Variants in NASP observed in about 807,000 individuals in gnomAD.
NASP encodes the protein nuclear autoantigenic sperm protein.
Under a neutral mutation model 89.5 loss-of-function variants are expected in NASP, and 24 were observed. That is an observed-to-expected ratio of 0.27 (90% CI 0.19 to 0.38). NASP has a LOEUF of 0.38. Ranked by LOEUF, NASP falls within the 10% of genes least tolerant of loss-of-function variation. The pLI, the probability that NASP is intolerant of heterozygous loss-of-function variation, is 1.00. For synonymous variants in NASP, 306 were observed against 324.7 expected (o/e 0.94, Z 0.62); for missense variants, 848 against 921.4 (o/e 0.92, Z 1.03).
chr1:45,613,403 C>T (rs755078911), intron 7 of NASP, among the ~76,000 whole-genome samples, 155 bp downstream of exon 7: 1 of 152,160 alleles, frequency 6.6e-6, no homozygotes, highest in Non-Finnish European at 1.5e-5. Flanking sequence ...CTCACCTCAG[C>T]CTCTCAAGTA....
rs1158905415 is a variant in NASP at position 45,617,584 on chromosome 1, A to T, written c.2279A>T (p.Glu760Val). 6.3e-7 allele frequency: 1 copy of T among 1,590,834 alleles called. No individual in the cohort carries two copies. The highest frequency in any genetic ancestry group is 8.5e-7 in the Non-Finnish European group (1 of 1,171,096). ...PSGNEVSENM[E>V]EEAENQAESR... Reference sequence around the variant, plus strand: ...GGAAATGAAGTTTCGGAAAACATGGAGGAGGAGGTGGGCAGTTAAGCAGGG... The same window carrying T: ...GGAAATGAAGTTTCGGAAAACATGGTGGAGGAGGTGGGCAGTTAAGCAGGG... Residue 760 changes from glutamate to valine, a missense_variant, in exon 14 of 15, where the codon GAG (glutamate) becomes GTG (valine). By Grantham distance (121) the Glu-to-Val change is moderately radical. This residue lies in a region of NASP where 218 missense variants were observed against 219.6 expected (regional missense o/e 0.99). Coordinates refer to ENST00000350030, the MANE Select transcript of NASP (RefSeq NM_002482.4).
At chr1:45,589,180 T>C (rs895849612) in intron 1 of NASP, among the ~76,000 whole-genome samples, 2 of 152,146 alleles carry the variant, frequency 1.3e-5, no homozygotes, top group African/African-American at 4.8e-5. Flanking sequence ...CAGGCTAGAG[T>C]ATAGTGGTAT....
chr1:45,587,687 T>TATATATATATATATATATATAAAA lies in NASP; in HGVS notation c.59+3483_59+3484insTATATATATATATATATATAAAAA, dbSNP rs66829841. Among the ~76,000 whole-genome samples the TATATATATATATATATATATAAAA allele has an allele frequency of 9.0e-5, 7 of 78,198 alleles. 1 individual carries two copies. In the South Asian group the frequency reaches 2.2e-3, roughly 24 times the overall value. The allele number at this position is 78,198 out of a possible 152,430, so 51.3% of individuals were successfully genotyped here. A position where few individuals can be genotyped will look rare whatever the true frequency, so the allele number is the denominator to read the frequency against. On this transcript the variant is annotated intron_variant, in intron 1 of 14. Transcript: ENST00000350030. ...ATATATATATATATATATATATATA[T>TATATATATATATATATATATAAAA]AATTAATTTTTTGGAGAGAGAGTCT... is the stretch of plus-strand genomic sequence containing the variant.
intron 3 of NASP, among the ~76,000 whole-genome samples, chr1:45,604,043 T>C (rs994866328): frequency 5.9e-5 from 9 of 152,218 alleles, no homozygotes; most frequent in African/African-American, 2.2e-4. Flanking sequence ...ATTCCCACTT[T>C]CCTGCCATTA....
At chr1:45,609,181 A>G (rs1250980300) in intron 6 of NASP, 1 of 152,330 alleles carries the variant, frequency 6.6e-6, no homozygotes, top group Admixed American at 6.5e-5. Context: ...TTTTGCTATC[A>G]TTTGAGGATT....
At chr1:45,614,872 A>T in intron 9 of NASP, 141 bp from the exon 10 acceptor site, 1 of 763,408 alleles carries the variant, frequency 1.3e-6, no homozygotes. Flanking sequence ...GACTTTCTTT[A>T]TAGCCAAGGG....
chr1:45,607,757 TGTG>T lies in NASP; in HGVS notation c.850_852del (p.Val284del), dbSNP rs1643933675. The T allele has an allele frequency of 6.2e-7, 1 of 1,613,968 alleles. No individual in the cohort carries two copies. The highest frequency in any genetic ancestry group is 8.5e-7 in the Non-Finnish European group (1 of 1,180,014). On this transcript the variant is annotated inframe_deletion, in exon 6 of 15. Transcript: ENST00000350030. ...CAAAAGAAGTTTCAGAAGAGCAGCC[TGTG>T]GTGACTCTAGAAAAGCAGGGCACTG...
chr1:45,604,892 G>A, intron 3 of NASP, 44 bp from the exon 4 acceptor site: 1 of 1,392,304 alleles, frequency 7.2e-7, no homozygotes, highest in Non-Finnish European at 1.0e-6. Context: ...AAATGTTTTA[G>A]ATTAGATGGT....
chr1:45,589,535 C>T (rs1044424355), intron 1 of NASP, among the ~76,000 whole-genome samples: 9 of 152,106 alleles, frequency 5.9e-5, no homozygotes, highest in Non-Finnish European at 1.2e-4. Flanking sequence ...TCATAATGAA[C>T]GTCATAAAAC....
rs150564918 is a variant in NASP at position 45,613,638 on chromosome 1, T to C, written c.1506+390T>C. 1.3e-3 allele frequency among the ~76,000 whole-genome samples: 200 copies of C among 152,286 alleles called. 1 individual carries two copies. The highest frequency in any genetic ancestry group is 2.2e-3 in the Non-Finnish European group (149 of 68,026). ...CTAGGTCTCCAGATGTCTGCCACCA[T>C]GTCTGGCTAATTTGTTCTCTAATTT... On this transcript the variant is annotated intron_variant, in intron 7 of 14. Transcript: ENST00000350030.
At chr1:45,592,956 G>A (rs188704562) in intron 2 of NASP, 12 of 152,424 alleles carry the variant, frequency 7.9e-5, no homozygotes, top group African/African-American at 2.9e-4. Flanking sequence ...TTTACCCAGT[G>A]AAAACTGCCA....
chr1:45,584,608 A>G (rs1644501169), intron 1 of NASP, among the ~76,000 whole-genome samples: 1 of 140,700 alleles, frequency 7.1e-6, no homozygotes, highest in Admixed American at 7.3e-5. Context: ...CGGGAATATA[A>G]CCAACGAAGA....
intron 4 of NASP, chr1:45,605,654 GTT>G (rs1643898042): frequency 6.6e-6 from 1 of 152,138 alleles, no homozygotes; most frequent in African/African-American, 2.4e-5. Flanking sequence ...TAGAGACAGG[GTT>G]TCACCATGTT....
chr1:45,613,830 T>TA lies in NASP; in HGVS notation c.1507-265dup, dbSNP rs1470987122. ...AGATAACTGTCTCTTGATTATGGAT[T>TA]AGGGACCCTTTATTCATGCCTAGGA... On this transcript the variant is annotated intron_variant, in intron 7 of 14. Coordinates refer to ENST00000350030, the MANE Select transcript of NASP (RefSeq NM_002482.4). Among the ~76,000 whole-genome samples, 3 of 152,132 alleles carry TA rather than the reference T, an allele frequency of 2.0e-5. No homozygotes were observed. The East Asian group carries it at 5.8e-4, about 29-fold the overall frequency.
At chr1:45,588,304 A>G (rs1022738979) in intron 1 of NASP, among the ~76,000 whole-genome samples, 9 of 150,132 alleles carry the variant, frequency 6.0e-5, no homozygotes, top group African/African-American at 2.2e-4. Flanking sequence ...AGGTTTTACC[A>G]TGTTGGCCAG....
At position 45,596,995 on chromosome 1, in the gene NASP, AAAAAG is replaced by A. The variant is rs954987990; in HGVS notation, c.108-5250_108-5246del. Among the ~76,000 whole-genome samples the A allele has an allele frequency of 1.1e-4, 17 of 151,442 alleles. No homozygotes were observed. The East Asian group carries it at 2.0e-3, about 17-fold the overall frequency. On this transcript the variant is annotated intron_variant, in intron 2 of 14. Coordinates refer to ENST00000350030, the MANE Select transcript of NASP (RefSeq NM_002482.4). ...GAGACGCTGTCTCAAAAAAAAGAAA[AAAAAG>A]AAAAGAAAAAAGAAATTACCACTTG...
intron 1 of NASP, among the ~76,000 whole-genome samples, chr1:45,585,523 A>G (rs1350813363): frequency 6.6e-6 from 1 of 152,132 alleles, no homozygotes; most frequent in African/African-American, 2.4e-5. Context: ...AACTCCCATT[A>G]CCTGCCTCTT....
At chr1:45,593,089 G>A (rs528263735) in intron 2 of NASP, among the ~76,000 whole-genome samples, 11 of 152,112 alleles carry the variant, frequency 7.2e-5, no homozygotes, top group Non-Finnish European at 1.5e-4. Context: ...TACAAAATAG[G>A]GTAATTCTCG....
chr1:45,585,031 A>G (rs1206450329), intron 1 of NASP, among the ~76,000 whole-genome samples: 1 of 152,240 alleles, frequency 6.6e-6, no homozygotes, highest in Non-Finnish European at 1.5e-5. Context: ...AGCTCTCACC[A>G]GCACTGTTTG....
Sources: allele counts gnomAD v4.1 joint callset (sites outside exome capture counted in the v4.1 genomes callset), GRCh38; gene constraint gnomAD v4.1.1; regional missense constraint gnomAD v4.1.1; transcripts MANE v1.5; gene names NCBI Gene and HGNC (gene_info 2026-07-23, HGNC 2026-07-21).